Variants in TNKS observed in about 807,000 individuals in gnomAD.
TNKS encodes poly [ADP-ribose] polymerase tankyrase-1.
A neutral mutation model predicts 135.8 loss-of-function variants in TNKS; 72 were observed. The observed-to-expected ratio is 0.53, with a 90% confidence interval of 0.44 to 0.64. The LOEUF (loss-of-function observed/expected upper bound fraction) is 0.64. TNKS is among the 30% of genes least tolerant of loss of function. TNKS has a pLI of 0.00. For missense variants in TNKS, 1,769 were observed against 1,674.0 expected (o/e 1.06, Z -0.99); for synonymous variants, 849 against 649.3 (o/e 1.31, Z -4.68).
chr8:9,669,190 G>T (rs532561791), intron 3 of TNKS, among the ~76,000 whole-genome samples: 3 of 151,220 alleles, frequency 2.0e-5, no homozygotes, highest in East Asian at 3.9e-4. Flanking sequence ...AGGCCGAGGC[G>T]GGTGGATCAT....
intron 2 of TNKS, among the ~76,000 whole-genome samples, chr8:9,589,482 C>T (rs1798507625): frequency 6.6e-6 from 1 of 152,240 alleles, no homozygotes; most frequent in East Asian, 1.9e-4. Flanking sequence ...AGAGGTATGT[C>T]AGCCTTCTCA....
chr8:9,609,539 C>T (rs1208291906), intron 2 of TNKS, among the ~76,000 whole-genome samples: 1 of 152,158 alleles, frequency 6.6e-6, no homozygotes, highest in Admixed American at 6.5e-5. Context: ...ATTGAAATGA[C>T]AGATTTTATT....
intron 2 of TNKS, among the ~76,000 whole-genome samples, chr8:9,593,962 C>G (rs1353371670): frequency 2.0e-5 from 3 of 152,252 alleles, no homozygotes; most frequent in African/African-American, 4.8e-5. Context: ...TCTCAGCTCA[C>G]TGGAACCTTT....
At chr8:9,753,888 C>T (rs546406460) in intron 20 of TNKS, among the ~76,000 whole-genome samples, 3 of 152,332 alleles carry the variant, frequency 2.0e-5, no homozygotes, top group South Asian at 2.1e-4. Flanking sequence ...CTCCAGTCTA[C>T]ATATGTATTC....
intron 5 of TNKS, among the ~76,000 whole-genome samples, chr8:9,698,563 C>G (rs971434958): frequency 6.6e-6 from 1 of 151,950 alleles, no homozygotes; most frequent in East Asian, 1.9e-4. Flanking sequence ...GTTGGAAGCC[C>G]GGACGCAGAG....
intron 3 of TNKS, among the ~76,000 whole-genome samples, chr8:9,663,641 T>C (rs999604851): frequency 2.0e-5 from 3 of 152,232 alleles, no homozygotes; most frequent in Non-Finnish European, 4.4e-5. Flanking sequence ...CTATACTTCT[T>C]ATCTGCTGGC....
intron 13 of TNKS, among the ~76,000 whole-genome samples, chr8:9,730,595 G>A (rs1309316929): frequency 6.6e-6 from 1 of 152,024 alleles, no homozygotes; most frequent in East Asian, 1.9e-4. Flanking sequence ...AAAACAGCAA[G>A]GCATTATTTG....
chr8:9,776,532 A>T, intron 26 of TNKS, 118 bp from the exon 27 acceptor site: 1 of 841,702 alleles, frequency 1.2e-6, no homozygotes, highest in Non-Finnish European at 1.9e-6. Flanking sequence ...CTATTAAGAA[A>T]CTGAGTCTAT....
Position 9,780,227 on chromosome 8 carries a change from G to A in TNKS, c.*3491G>A, listed in dbSNP as rs1808401127. Reference sequence around the variant, plus strand: ...GCCTTTTTAACATGTGCACTATCTGGATTCCTGTAAATGGCCTTGCAAACA... The same window carrying A: ...GCCTTTTTAACATGTGCACTATCTGAATTCCTGTAAATGGCCTTGCAAACA... On this transcript the variant is annotated 3_prime_UTR_variant, in exon 27 of 27. Coordinates refer to ENST00000310430, the MANE Select transcript of TNKS (RefSeq NM_003747.3). 6.6e-6 allele frequency: 1 copy of A among 151,772 alleles called. No individual in the cohort carries two copies. The highest frequency in any genetic ancestry group is 2.1e-4 in the South Asian group (1 of 4,784). The allele number at this position is 151,772 out of a possible 1,614,324, so 9.4% of individuals were successfully genotyped here.
intron 6 of TNKS, among the ~76,000 whole-genome samples, chr8:9,705,719 A>G (rs1804009806): frequency 6.6e-6 from 1 of 152,182 alleles, no homozygotes; most frequent in African/African-American, 2.4e-5. Context: ...ACAATAGGTG[A>G]GTCATCAAGA....
chr8:9,710,131 C>T lies in TNKS; in HGVS notation c.1671-11C>T, dbSNP rs759760807. Reference sequence around the variant, plus strand: ...GACAATTACCTTTTCTTTCTTTCCTCTTTTCTGTAGTTTCATGACTCCCCT... The same window carrying T: ...GACAATTACCTTTTCTTTCTTTCCTTTTTTCTGTAGTTTCATGACTCCCCT... On this transcript the variant is annotated splice_polypyrimidine_tract_variant and intron_variant, in intron 10 of 26. Transcript: ENST00000310430. 3.1e-6 allele frequency: 5 copies of T among 1,613,838 alleles called. No individual in the cohort carries two copies. The South Asian group carries it at 4.4e-5, about 14-fold the overall frequency.
chr8:9,752,216 T>C (rs1424523409), intron 19 of TNKS, among the ~76,000 whole-genome samples: 2 of 152,102 alleles, frequency 1.3e-5, no homozygotes, highest in East Asian at 3.8e-4. Context: ...ATAAGTAGCA[T>C]TCTGTAGTAT....
intron 3 of TNKS, among the ~76,000 whole-genome samples, chr8:9,663,196 T>A (rs148271331): frequency 6.6e-6 from 1 of 152,238 alleles, no homozygotes. Context: ...TTTAGACTTA[T>A]GACCTCCAGA....
intron 6 of TNKS, among the ~76,000 whole-genome samples, chr8:9,705,252 G>A (rs931406857): frequency 2.6e-5 from 4 of 152,118 alleles, no homozygotes; most frequent in Non-Finnish European, 5.9e-5. Context: ...AAGCAGTTAT[G>A]TCATTTATTT....
At chr8:9,661,604 A>C (rs1490037557) in intron 3 of TNKS, among the ~76,000 whole-genome samples, 5 of 152,134 alleles carry the variant, frequency 3.3e-5, no homozygotes, top group East Asian at 3.8e-4. Flanking sequence ...TAAAGACTTA[A>C]ATGTTAGACC....
chr8:9,750,145 T>G (rs988017094), intron 18 of TNKS, among the ~76,000 whole-genome samples: 1 of 152,180 alleles, frequency 6.6e-6, no homozygotes, highest in African/African-American at 2.4e-5. Flanking sequence ...AGGTACCACC[T>G]TAGAGGTTTT....
intron 20 of TNKS, among the ~76,000 whole-genome samples, chr8:9,758,049 C>A (rs1015300335): frequency 1.3e-5 from 2 of 152,196 alleles, no homozygotes; most frequent in African/African-American, 4.8e-5. Context: ...AAGACAGATA[C>A]AGCTATACAT....
chr8:9,572,486 T>C (rs1475762535), intron 1 of TNKS, among the ~76,000 whole-genome samples: 1 of 152,234 alleles, frequency 6.6e-6, no homozygotes, highest in Non-Finnish European at 1.5e-5. Context: ...TCCCATCCTC[T>C]ATCTCTCTTA....
In TNKS at chr8:9,751,470, A is replaced by C. The variant is rs968199561; in HGVS notation, c.2833-139A>C. 8 of 659,072 alleles carry C rather than the reference A, an allele frequency of 1.2e-5. No homozygotes were observed. The Admixed American group carries it at 2.0e-4, about 17-fold the overall frequency. 40.8% of individuals were successfully genotyped at this position (659,072 alleles called of 1,614,324 possible). A position where few individuals can be genotyped will look rare whatever the true frequency, so the allele number is the denominator to read the frequency against. ...AACTCTTTGGAGCTGTGGATAGGAGAAGGAATGATCAAAAACCAGTAGGTG... is the reference window on the plus strand; with the variant it reads ...AACTCTTTGGAGCTGTGGATAGGAGCAGGAATGATCAAAAACCAGTAGGTG... On this transcript the variant is annotated intron_variant, in intron 18 of 26. Transcript: ENST00000310430.
Sources: allele counts gnomAD v4.1 joint callset (sites outside exome capture counted in the v4.1 genomes callset), GRCh38; gene constraint gnomAD v4.1.1; transcripts MANE v1.5; gene names NCBI Gene and HGNC (gene_info 2026-07-23, HGNC 2026-07-21).